The following NR4A1 variants were observed in gnomAD, a reference collection of about 807,000 sequenced individuals.
The protein encoded by NR4A1 is nuclear receptor subfamily 4immunitygroup A member 1.
In NR4A1, 24 loss-of-function variants were observed where a neutral mutation model predicts 47.5. That is an observed-to-expected ratio of 0.50 (90% CI 0.37 to 0.71). The LOEUF (loss-of-function observed/expected upper bound fraction) is 0.71. NR4A1 is among the 30% of genes least tolerant of loss of function. The pLI is 0.00. For missense variants in NR4A1, 669 were observed against 788.6 expected (o/e 0.85, Z 1.82); for synonymous variants, 353 against 345.7 (o/e 1.02, Z -0.24).
At chr12:52,058,543 A>C in intron 6 of NR4A1, 145 bp from the exon 7 acceptor site, 1 of 1,055,876 alleles carries the variant, frequency 9.5e-7, no homozygotes, top group Non-Finnish European at 1.3e-6. Context: ...ATGCTTACTA[A>C]TGGCCAACAT....
rs748497069 is a variant in NR4A1 at position 52,057,221 on chromosome 12, G to A, written c.1323G>A (p.Ser441=). 4 of 1,613,874 alleles carry A rather than the reference G, an allele frequency of 2.5e-6. No individual in the cohort carries two copies. Among genetic ancestry groups the A allele is most frequent in the African/African-American group, 1.3e-5 (1 of 75,022 alleles). ...SPADQDLLLE[S]AFLELFILRL... Reference sequence around the variant, plus strand: ...CTGACCAGGACCTGTTGCTGGAGTCGGCCTTCCTGGAGCTCTTCATCCTCC... The same window carrying A: ...CTGACCAGGACCTGTTGCTGGAGTCAGCCTTCCTGGAGCTCTTCATCCTCC... The change falls in exon 5 of 7, where the codon TCG becomes TCA. Residue 441 remains serine, a synonymous_variant. Coordinates refer to ENST00000394825, the MANE Select transcript of NR4A1 (RefSeq NM_173157.3).
At chr12:52,050,528 G>C (rs989076638), upstream of NR4A1, among the ~76,000 whole-genome samples, 1 of 152,234 alleles carries the variant, frequency 6.6e-6, no homozygotes, top group Non-Finnish European at 1.5e-5. Context: ...GGCTCCACCC[G>C]GTTCTGAAAT....
chr12:52,041,662 C>T (rs1938443158), intron 1 of NR4A1: 3 of 881,148 alleles, frequency 3.4e-6, no homozygotes, highest in African/African-American at 1.7e-5. Context: ...ATGCCTAACC[C>T]GGGGAGGTCC....
intron 1 of NR4A1, among the ~76,000 whole-genome samples, chr12:52,034,546 A>G (rs1385792449): frequency 6.6e-6 from 1 of 152,038 alleles, no homozygotes; most frequent in African/African-American, 2.4e-5. Context: ...TAGAAAGGAG[A>G]GGAATTAGAT....
chr12:52,049,261 T>C (rs181126610), upstream of NR4A1, among the ~76,000 whole-genome samples: 1 of 152,358 alleles, frequency 6.6e-6, no homozygotes, highest in East Asian at 1.9e-4. Flanking sequence ...TGGATCCATG[T>C]TGGATTGAAA....
At chr12:52,048,164 AAAAC>A (rs1938741647), upstream of NR4A1, among the ~76,000 whole-genome samples, 1 of 151,216 alleles carries the variant, frequency 6.6e-6, no homozygotes, top group African/African-American at 2.4e-5. Flanking sequence ...AAACAAAACA[AAAAC>A]AAAAAACAAA....
intron 1 of NR4A1, among the ~76,000 whole-genome samples, chr12:52,027,594 G>A (rs1308826966): frequency 6.6e-6 from 1 of 152,240 alleles, no homozygotes. Flanking sequence ...TCTGAGTCCT[G>A]TGCTAAGGGC....
chr12:52,033,190 C>G (rs769686509), intron 1 of NR4A1, among the ~76,000 whole-genome samples: 1 of 152,168 alleles, frequency 6.6e-6, no homozygotes, highest in Non-Finnish European at 1.5e-5. Flanking sequence ...CCCAGCCCGG[C>G]CGCCCCCGGG....
intron 2 of NR4A1, chr12:52,044,042 C>A: frequency 1.6e-6 from 1 of 625,396 alleles, no homozygotes; most frequent in Non-Finnish European, 2.5e-6. Flanking sequence ...CAACTGGAGG[C>A]ATGAGTGTGC....
intron 1 of NR4A1, among the ~76,000 whole-genome samples, chr12:52,036,637 C>G (rs955464631): frequency 6.6e-6 from 1 of 152,256 alleles, no homozygotes; most frequent in Non-Finnish European, 1.5e-5. Context: ...GTGCCCTCTT[C>G]AGGAGAAAGT....
At chr12:52,031,534 G>A (rs934810614) in intron 1 of NR4A1, among the ~76,000 whole-genome samples, 2 of 151,670 alleles carry the variant, frequency 1.3e-5, no homozygotes, top group Non-Finnish European at 2.9e-5. Context: ...CTACTCATGA[G>A]GCTGAGGTAG....
intron 1 of NR4A1, among the ~76,000 whole-genome samples, chr12:52,036,108 C>A (rs930746653): frequency 5.3e-5 from 8 of 152,164 alleles, no homozygotes; most frequent in Non-Finnish European, 1.0e-4. Flanking sequence ...ACCCAGCCAG[C>A]CCCAATCCCA....
chr12:52,055,257 C>G lies in NR4A1; in HGVS notation c.876+53C>G, dbSNP rs1473844466. ...TTGTTGGAAATGGAGAGAGGCTGGC[C>G]TCATCCCATTGGGACCTGTGGTCTC... On this transcript the variant is annotated intron_variant, in intron 2 of 6. Transcript: ENST00000394825. 2.5e-6 allele frequency: 4 copies of G among 1,597,972 alleles called. No homozygotes were observed. The Admixed American group carries it at 6.7e-5, about 27-fold the overall frequency.
intron 1 of NR4A1, among the ~76,000 whole-genome samples, chr12:52,036,527 G>A (rs1301866502): frequency 3.3e-5 from 5 of 152,208 alleles, no homozygotes; most frequent in Non-Finnish European, 7.3e-5. Flanking sequence ...AGGCTCAGGA[G>A]GTCAAGTGAC....
At chr12:52,036,145 T>G (rs2120940345) in intron 1 of NR4A1, among the ~76,000 whole-genome samples, 1 of 152,296 alleles carries the variant, frequency 6.6e-6, no homozygotes, top group Admixed American at 6.5e-5. Flanking sequence ...CGGGCCTTCC[T>G]GACCAGCCTC....
intron 1 of NR4A1, among the ~76,000 whole-genome samples, chr12:52,052,184 T>C (rs1410620045): frequency 6.6e-5 from 10 of 150,650 alleles, no homozygotes; most frequent in Admixed American, 6.6e-4. Flanking sequence ...CTGCTTGCTG[T>C]GTATTGAATA....
intron 1 of NR4A1, among the ~76,000 whole-genome samples, chr12:52,053,185 C>T (rs1193512086): frequency 2.0e-5 from 3 of 152,108 alleles, no homozygotes; most frequent in Non-Finnish European, 2.9e-5. Flanking sequence ...CCTGGAGCCT[C>T]CTCTGCATTA....
rs544441823 is a variant in NR4A1, at chr12:52,038,139, A to T, written c.-83-3671A>T. ...GAGTGCAGTAGCGTGATCTCGGCTC[A>T]CTGCAATCTCCGTCTCCCGGGTTCA... is the stretch of plus-strand genomic sequence containing the variant. On this transcript the variant is annotated intron_variant, in intron 1 of 7. Transcript: ENST00000360284. The T allele has an allele frequency of 9.1e-4, 799 of 880,610 alleles. 5 individuals are homozygous for T. The African/African-American group carries it at 0.012, about 13-fold the overall frequency. The allele number at this position is 880,610 out of a possible 1,614,324, so 54.5% of individuals were successfully genotyped here.
At chr12:52,056,909 T>C (rs565358570) in intron 4 of NR4A1, 148 bp from the exon 5 acceptor site, 3 of 860,082 alleles carry the variant, frequency 3.5e-6, no homozygotes, top group South Asian at 1.8e-5. Context: ...TGGGTTAATA[T>C]GTGAGACTTG....
Sources: allele counts gnomAD v4.1 joint callset (sites outside exome capture counted in the v4.1 genomes callset), GRCh38; gene constraint gnomAD v4.1.1; transcripts MANE v1.5; gene names NCBI Gene and HGNC (gene_info 2026-07-23, HGNC 2026-07-21).